The following GRK5 variants were observed in gnomAD, a reference collection of about 807,000 sequenced individuals.
The protein encoded by GRK5 is g protein-coupled receptor kinase GRK5.
GRK5 carries 40 observed loss-of-function variants against 78.4 expected under a neutral mutation model. The ratio of observed to expected loss-of-function variants is 0.51; its 90% CI spans 0.40 to 0.66. GRK5 has a LOEUF of 0.66. Among genes scored for constraint, GRK5 ranks in the 30% least tolerant of loss-of-function variants. The pLI, the probability that GRK5 is intolerant of heterozygous loss-of-function variation, is 0.00. For missense variants in GRK5, 598 were observed against 759.9 expected (o/e 0.79, Z 2.50); for synonymous variants, 289 against 296.8 (o/e 0.97, Z 0.27).
At position 119,452,951 on chromosome 10, in the gene GRK5, G is replaced by A; in HGVS notation, c.1542+143G>A. ...TCCATGAAGGCAGCACACAAAAGCT[G>A]TCAGTGGCCAAGTAGGGAGCTGTAG... On this transcript the variant is annotated intron_variant, in intron 14 of 15. Transcript: ENST00000392870. The surrounding 1 kb of genome is among the most constrained non-coding windows in gnomAD (Gnocchi z 4.4). 1 of 1,097,488 alleles carries A rather than the reference G, an allele frequency of 9.1e-7. No homozygotes were observed. Among genetic ancestry groups the A allele is most frequent in the Non-Finnish European group, 1.3e-6 (1 of 742,238 alleles). 68.0% of individuals were successfully genotyped at this position (1,097,488 alleles called of 1,614,324 possible).
chr10:119,409,442 A>G (rs994523183), intron 4 of GRK5, among the ~76,000 whole-genome samples: 1 of 152,176 alleles, frequency 6.6e-6, no homozygotes, highest in Non-Finnish European at 1.5e-5. Context: ...ATGCTGGCAG[A>G]GCTGGCTCTG....
rs542690801 is a variant in GRK5, at chr10:119,455,492, A to G, written c.*425A>G. On this transcript the variant is annotated 3_prime_UTR_variant, in exon 16 of 16. Transcript: ENST00000392870. ...GAGGGTGTATATTTTCTGTGCAGCC[A>G]CTGTTAAGCCATGTGTTCCAAGGCA... The G allele has an allele frequency of 3.5e-4, 119 of 344,450 alleles. 1 individual carries two copies. The highest frequency in any genetic ancestry group is 2.6e-3 in the African/African-American group (118 of 46,046). 21.3% of individuals were successfully genotyped at this position (344,450 alleles called of 1,614,324 possible). A position where few individuals can be genotyped will look rare whatever the true frequency, so the allele number is the denominator to read the frequency against.
At chr10:119,385,108 T>C (rs888981725) in intron 3 of GRK5, among the ~76,000 whole-genome samples, 10 of 151,128 alleles carry the variant, frequency 6.6e-5, no homozygotes, top group African/African-American at 2.4e-4. Context: ...GTGTCCGCAG[T>C]TGGAGGGGAG....
At position 119,416,515 on chromosome 10, in the gene GRK5, TTC is replaced by T. The variant is rs1337420064; in HGVS notation, c.340-6644_340-6643del. On this transcript the variant is annotated intron_variant, in intron 4 of 15. Transcript: ENST00000392870. ...CCAGGCGCTGGCCCTGCAGTCCAGC[TTC>T]TCTCTCCTTCAAGGTCCAGGCCTGT... is the stretch of plus-strand genomic sequence containing the variant. Among the ~76,000 whole-genome samples the T allele has an allele frequency of 9.9e-5, 15 of 152,094 alleles. No homozygotes were observed. The East Asian group carries it at 2.9e-3, about 29-fold the overall frequency.
At chr10:119,273,968 T>C (rs1262452005) in intron 1 of GRK5, among the ~76,000 whole-genome samples, 1 of 152,208 alleles carries the variant, frequency 6.6e-6, no homozygotes, top group African/African-American at 2.4e-5. Flanking sequence ...GAGACAGGGT[T>C]TCACCATGTT....
At chr10:119,365,668 C>A (rs1200626343) in intron 2 of GRK5, among the ~76,000 whole-genome samples, 3 of 152,220 alleles carry the variant, frequency 2.0e-5, no homozygotes, top group Non-Finnish European at 4.4e-5. Flanking sequence ...AAAGCCTTCC[C>A]CTACCCGGCC....
intron 6 of GRK5, among the ~76,000 whole-genome samples, chr10:119,429,487 C>G (rs1852773556): frequency 6.6e-6 from 1 of 150,918 alleles, no homozygotes; most frequent in African/African-American, 2.4e-5. Flanking sequence ...GCCAAACAGA[C>G]CAGCAATGCA....
At chr10:119,288,539 A>AT (rs1185419435) in intron 1 of GRK5, among the ~76,000 whole-genome samples, 1 of 152,224 alleles carries the variant, frequency 6.6e-6, no homozygotes, top group East Asian at 1.9e-4. Context: ...CTGAGGGACC[A>AT]TCCCGTGTCT....
Position 119,452,998 on chromosome 10 carries a change from C to G in GRK5, c.1543-147C>G, listed in dbSNP as rs986759440. 5.8e-6 allele frequency: 5 copies of G among 856,238 alleles called. No homozygotes were observed. The African/African-American group carries it at 6.6e-5, about 11-fold the overall frequency. 53.0% of individuals were successfully genotyped at this position (856,238 alleles called of 1,614,324 possible). A position where few individuals can be genotyped will look rare whatever the true frequency, so the allele number is the denominator to read the frequency against. On this transcript the variant is annotated intron_variant, in intron 14 of 15. Coordinates refer to ENST00000392870, the MANE Select transcript of GRK5 (RefSeq NM_005308.3). This position sits in a 1 kb window ranked among gnomAD's most constrained non-coding sequence, Gnocchi z 4.4. ...GTAGCCACCACGGGCCAGTCATTGACGGGGAGCCTCGCCCAGCCCCTGAGA... is the reference window on the plus strand; with the variant it reads ...GTAGCCACCACGGGCCAGTCATTGAGGGGGAGCCTCGCCCAGCCCCTGAGA...
chr10:119,252,787 C>T (rs1040983450), intron 1 of GRK5, among the ~76,000 whole-genome samples: 1 of 152,114 alleles, frequency 6.6e-6, no homozygotes, highest in African/African-American at 2.4e-5. Context: ...TGGCTTTTGC[C>T]TCATTTTTAT....
intron 2 of GRK5, among the ~76,000 whole-genome samples, chr10:119,329,413 T>C (rs1007027490): frequency 1.3e-5 from 2 of 152,150 alleles, no homozygotes; most frequent in African/African-American, 2.4e-5. Context: ...CCTCGAGCCA[T>C]GAGGGACGAC....
chr10:119,389,585 C>T (rs1247028566), intron 3 of GRK5, among the ~76,000 whole-genome samples: 1 of 152,194 alleles, frequency 6.6e-6, no homozygotes, highest in African/African-American at 2.4e-5. Context: ...CTAGAAGCTG[C>T]CATGTTCTTA....
chr10:119,236,340 C>T (rs1266523653), intron 1 of GRK5, among the ~76,000 whole-genome samples: 2 of 152,052 alleles, frequency 1.3e-5, no homozygotes, highest in African/African-American at 4.8e-5. Flanking sequence ...CTCAGCCTCC[C>T]GAGTAGCTGG....
chr10:119,369,479 C>T (rs926818727), intron 2 of GRK5, among the ~76,000 whole-genome samples: 23 of 152,284 alleles, frequency 1.5e-4, no homozygotes, highest in African/African-American at 4.8e-4. Flanking sequence ...AGGCCCCGCA[C>T]GGAAAGGAGA....
At chr10:119,244,616 C>T (rs1340895925) in intron 1 of GRK5, among the ~76,000 whole-genome samples, 1 of 152,168 alleles carries the variant, frequency 6.6e-6, no homozygotes, top group Non-Finnish European at 1.5e-5. Context: ...GGCCTATAGT[C>T]CTAGCTACAC....
At chr10:119,343,221 G>T (rs1851013728) in intron 2 of GRK5, among the ~76,000 whole-genome samples, 1 of 152,244 alleles carries the variant, frequency 6.6e-6, no homozygotes, top group Non-Finnish European at 1.5e-5. Context: ...GGGGAAGGGG[G>T]ACAGAGACAT....
intron 1 of GRK5, among the ~76,000 whole-genome samples, chr10:119,292,109 C>T (rs1329161733): frequency 9.8e-6 from 1 of 102,006 alleles, no homozygotes; most frequent in African/African-American, 3.7e-5. Context: ...TCCTCCTTCT[C>T]CTCTTCCTCC....
chr10:119,442,049 G>A lies in GRK5; in HGVS notation c.1018G>A (p.Asp340Asn). The A allele has an allele frequency of 6.2e-7, 1 of 1,614,046 alleles. No individual in the cohort carries two copies. Among genetic ancestry groups the A allele is most frequent in the Non-Finnish European group, 8.5e-7 (1 of 1,179,962 alleles). ...LGLAVKIPEG[D>N]LIRGRVGTVG... ...CTTGGCTGTGAAGATCCCCGAGGGA[G>A]ACCTGATCCGCGGCCGGGTGGGCAC... is the stretch of plus-strand genomic sequence containing the variant. Residue 340 changes from aspartate (D) to asparagine (N), a missense_variant, in exon 11 of 16, where the codon GAC (aspartate) becomes AAC (asparagine). Physicochemically the swap from Asp to Asn is conservative, Grantham distance 23. Coordinates refer to ENST00000392870, the MANE Select transcript of GRK5 (RefSeq NM_005308.3).
chr10:119,444,685 C>A (rs1239463585), intron 12 of GRK5, among the ~76,000 whole-genome samples: 1 of 152,172 alleles, frequency 6.6e-6, no homozygotes, highest in African/African-American at 2.4e-5. Flanking sequence ...AGCCCACAGA[C>A]TTCCTCTCCT....
Sources: allele counts gnomAD v4.1 joint callset (sites outside exome capture counted in the v4.1 genomes callset), GRCh38; gene constraint gnomAD v4.1.1; non-coding constraint Gnocchi (gnomAD v3.1); transcripts MANE v1.5; gene names NCBI Gene and HGNC (gene_info 2026-07-23, HGNC 2026-07-21).